Variants in TMEM114 observed in about 807,000 individuals in gnomAD.
TMEM114 encodes transmembrane protein 114.
In TMEM114, 6 loss-of-function variants were observed where a neutral mutation model predicts 6.2. That is an observed-to-expected ratio of 0.97 (90% confidence interval 0.53 to 1.91). The LOEUF (loss-of-function observed/expected upper bound fraction) is 1.91, where lower values mean the gene tolerates loss of function less well. Among genes scored for constraint, TMEM114 ranks in the 40% most tolerant of loss-of-function variants. The pLI is 0.01. For missense variants in TMEM114, 218 were observed against 158.3 expected, an observed-to-expected ratio of 1.38 and a Z score of -2.02; for synonymous variants, 104 against 73.0, an observed-to-expected ratio of 1.42 and a Z score of -2.16.
At chr16:8,555,875 A>G (rs1212563579) in intron 2 of TMEM114, among the ~76,000 whole-genome samples, 2 of 152,222 alleles carry the variant, frequency 1.3e-5, no homozygotes, top group Non-Finnish European at 2.9e-5. Context: ...AAATGTCACT[A>G]GTACCAAGGT....
intron 2 of TMEM114, among the ~76,000 whole-genome samples, chr16:8,580,557 T>C (rs965869951): frequency 6.6e-6 from 1 of 151,732 alleles, no homozygotes; most frequent in African/African-American, 2.4e-5. Context: ...AAGCCCTGTG[T>C]CTTCCTCTCC....
chr16:8,580,816 A>G (rs1329523193), intron 2 of TMEM114, among the ~76,000 whole-genome samples: 1 of 152,032 alleles, frequency 6.6e-6, no homozygotes, highest in Non-Finnish European at 1.5e-5. Flanking sequence ...TCAGCCTCCC[A>G]AGTAGCTGGG....
chr16:8,574,362 T>G (rs2141687833), intron 2 of TMEM114, among the ~76,000 whole-genome samples: 1 of 152,244 alleles, frequency 6.6e-6, no homozygotes, highest in South Asian at 2.1e-4. Context: ...AAATCATAAC[T>G]CTATCAATAA....
At chr16:8,564,314 T>A (rs1327216909) in intron 2 of TMEM114, among the ~76,000 whole-genome samples, 13 of 148,948 alleles carry the variant, frequency 8.7e-5, no homozygotes, top group South Asian at 2.1e-4. Context: ...ATGAAATAAG[T>A]GAATGAGTGA....
the TMEM114 span, among the ~76,000 whole-genome samples, chr16:8,529,926 C>T: frequency 1.3e-5 from 2 of 152,110 alleles, no homozygotes; most frequent in African/African-American, 4.8e-5. Context: ...TTGCACTCAA[C>T]CTGAAATTCT....
chr16:8,544,310 T>C (rs1263084673), intron 2 of TMEM114, among the ~76,000 whole-genome samples: 1 of 152,220 alleles, frequency 6.6e-6, no homozygotes, highest in Non-Finnish European at 1.5e-5. Context: ...ACTCAACAAA[T>C]GTTTGTTGAG....
intron 2 of TMEM114, among the ~76,000 whole-genome samples, chr16:8,546,484 G>A (rs923589009): frequency 6.6e-6 from 1 of 152,136 alleles, no homozygotes; most frequent in African/African-American, 2.4e-5. Context: ...ATTATCTACA[G>A]GAACCAGCCC....
intron 2 of TMEM114, among the ~76,000 whole-genome samples, chr16:8,540,943 G>T (rs1202544843): frequency 1.3e-5 from 2 of 152,138 alleles, no homozygotes; most frequent in African/African-American, 4.8e-5. Flanking sequence ...CTAAGCAGCA[G>T]GTGCAAAGTC....
At chr16:8,564,437 G>C (rs966612253) in intron 2 of TMEM114, among the ~76,000 whole-genome samples, 2 of 148,186 alleles carry the variant, frequency 1.3e-5, no homozygotes, top group Non-Finnish European at 1.5e-5. Context: ...GAGTGAGGGA[G>C]GGAGGGAATG....
chr16:8,536,055 G>A (rs145958796), downstream of TMEM114, among the ~76,000 whole-genome samples: 859 of 152,048 alleles, frequency 5.6e-3, 13 homozygotes, highest in African/African-American at 0.018. Context: ...GTGAAACCCC[G>A]TCTCTACTAA....
chr16:8,551,894 G>A (rs540539190), intron 2 of TMEM114, among the ~76,000 whole-genome samples: 10 of 152,240 alleles, frequency 6.6e-5, no homozygotes, highest in Non-Finnish European at 1.2e-4. Context: ...CAGAACCATG[G>A]AATACTACTC....
intron 2 of TMEM114, among the ~76,000 whole-genome samples, chr16:8,561,359 C>A (rs1901193343): frequency 6.6e-6 from 1 of 152,220 alleles, no homozygotes; most frequent in South Asian, 2.1e-4. Context: ...CTCTTCCCTG[C>A]CACCTTCTCC....
At chr16:8,535,763 A>T (rs892068845), downstream of TMEM114, among the ~76,000 whole-genome samples, 2 of 152,106 alleles carry the variant, frequency 1.3e-5, no homozygotes, top group Non-Finnish European at 2.9e-5. Flanking sequence ...GGTATGGGAG[A>T]CTCACTGCGT....
intron 2 of TMEM114, among the ~76,000 whole-genome samples, chr16:8,562,985 GGAGTGAGTGAAT>G (rs1443030253): frequency 3.4e-5 from 2 of 59,132 alleles, no homozygotes; most frequent in African/African-American, 5.8e-5. Flanking sequence ...ATGGAGGGAA[GGAGTGAGTGAAT>G]GAGTGAGTGA....
In TMEM114 at chr16:8,569,786, T is replaced by C. The variant is rs761388965; in HGVS notation, c.659A>G (p.Asp220Gly). 2 of 1,550,334 alleles carry C rather than the reference T, an allele frequency of 1.3e-6. No individual in the cohort carries two copies. The highest frequency in any genetic ancestry group is 4.9e-5 in the East Asian group (2 of 40,878). The change falls in exon 4 of 4, where the codon GAC (aspartate) becomes GGC (glycine). Residue 220 changes from aspartate (D) to glycine (G), a missense_variant. By Grantham distance (94) the Asp-to-Gly change is moderately conservative. Transcript: ENST00000620492. ...CAGCGCCCAGGCTCATATGGCCTGG[T>C]CCTGCCTCCGTCTCAGGCTGAGCTC... Reference protein sequence around the residue: ...ARELSLRRRQDQAI With the variant: ...ARELSLRRRQGQAI
At chr16:8,549,056 C>G (rs1395688189) in intron 2 of TMEM114, among the ~76,000 whole-genome samples, 1 of 151,992 alleles carries the variant, frequency 6.6e-6, no homozygotes, top group African/African-American at 2.4e-5. Flanking sequence ...GCAGCATGCG[C>G]CTGCAGTCCC....
chr16:8,550,481 G>A (rs988990642), intron 2 of TMEM114, among the ~76,000 whole-genome samples: 3 of 151,952 alleles, frequency 2.0e-5, no homozygotes, highest in African/African-American at 7.2e-5. Context: ...GAGTTTGAGA[G>A]CAGCCTGACC....
chr16:8,584,922 C>CAAAAA (rs905674847), intron 2 of TMEM114, among the ~76,000 whole-genome samples: 2 of 49,152 alleles, frequency 4.1e-5, no homozygotes, highest in African/African-American at 7.0e-5. Context: ...AACGCCGTCT[C>CAAAAA]AAAAAAAAAA....
At chr16:8,557,217 G>A (rs545110314) in intron 2 of TMEM114, among the ~76,000 whole-genome samples, 3 of 152,104 alleles carry the variant, frequency 2.0e-5, no homozygotes, top group Non-Finnish European at 4.4e-5. Context: ...GTGGCAGAAG[G>A]GATGCTATAT....
Sources: gnomAD v4.1 joint callset for allele counts (sites outside exome capture counted in the v4.1 genomes callset) on GRCh38, gnomAD v4.1.1 for gene constraint, MANE v1.5 for transcripts, NCBI Gene and HGNC (gene_info 2026-07-23, HGNC 2026-07-21) for gene names.